SOX21: variants seen among roughly 807,000 people sequenced by gnomAD.
SOX21 encodes SRY-box transcription factor 21, also known as transcription factor SOX-21.
For synonymous variants in SOX21, 237 were observed against 189.7 expected (o/e 1.25, Z -2.05); for missense variants, 370 against 388.8 (o/e 0.95, Z 0.41).
At position 94,711,208 on chromosome 13, in the gene SOX21, G is replaced by A. The variant is rs779917519; in HGVS notation, c.*11C>T. The A allele has an allele frequency of 3.5e-4, 457 of 1,322,444 alleles. No homozygotes were observed. Among genetic ancestry groups the A allele is most frequent in the Non-Finnish European group, 4.0e-4 (417 of 1,041,952 alleles). 81.9% of individuals were successfully genotyped at this position (1,322,444 alleles called of 1,614,324 possible). A position where few individuals can be genotyped will look rare whatever the true frequency, so the allele number is the denominator to read the frequency against. On this transcript the variant is annotated 3_prime_UTR_variant, in exon 1 of 1. Coordinates refer to ENST00000376945, the MANE Select transcript of SOX21 (RefSeq NM_007084.4). ...TGTGCACACCGGTCCTCGCGAGGCG[G>A]CCCCGCGGGGTCATAGCGCGGCAGC...
rs1445183084 is a variant in SOX21 at position 94,709,844 on chromosome 13, CTTCA to C, written c.*1371_*1374del. The C allele has an allele frequency of 6.6e-6, 1 of 152,432 alleles. No homozygotes were observed. Among genetic ancestry groups the C allele is most frequent in the African/African-American group, 2.4e-5 (1 of 41,446 alleles). The allele number at this position is 152,432 out of a possible 1,614,324, so 9.4% of individuals were successfully genotyped here. A position where few individuals can be genotyped will look rare whatever the true frequency, so the allele number is the denominator to read the frequency against. On this transcript the variant is annotated 3_prime_UTR_variant, in exon 1 of 1. Transcript: ENST00000376945. ...ATGAAACTAAATACATGTTAGCCAA[CTTCA>C]TTCACAAACATTAGTCAAAATATAT...
Position 94,711,410 on chromosome 13 carries a change from C to G in SOX21, c.640G>C (p.Ala214Pro), listed in dbSNP as rs1165654505. 1.3e-6 allele frequency: 1 copy of G among 755,648 alleles called. No individual in the cohort carries two copies. The highest frequency in any genetic ancestry group is 6.1e-5 in the Admixed American group (1 of 16,284). The allele number at this position is 755,648 out of a possible 1,614,324, so 46.8% of individuals were successfully genotyped here. ...TGCCCCCCGGCGGCGGCGGCCGCCGCTGCAGCCGCCGCCGCCGCGCCGTGG... is the reference window on the plus strand; with the variant it reads ...TGCCCCCCGGCGGCGGCGGCCGCCGGTGCAGCCGCCGCCGCCGCGCCGTGG... ...AFHGAAAAAAAAAAAAGGHTH... is the reference protein window; with the variant it reads ...AFHGAAAAAAPAAAAAGGHTH... Residue 214 changes from alanine (A) to proline (P), a missense_variant, in exon 1 of 1, where the codon GCG becomes CCG. Physicochemically the swap from Ala to Pro is conservative, Grantham distance 27. Coordinates refer to ENST00000376945, the MANE Select transcript of SOX21 (RefSeq NM_007084.4).
rs140988549 is a variant in SOX21, at chr13:94,711,777, C to G, written c.273G>C (p.Lys91Asn). 142 of 1,613,536 alleles carry G rather than the reference C, an allele frequency of 8.8e-5. 1 individual carries two copies. The African/African-American group carries it at 1.8e-3, about 20-fold the overall frequency. ...GGCCGTAGGGCACCGGGAAGGCGAACTTGTCCTTCTTGAGCAGCGTCTTGG... is the reference window on the plus strand; with the variant it reads ...GGCCGTAGGGCACCGGGAAGGCGAAGTTGTCCTTCTTGAGCAGCGTCTTGG... ...RKPKTLLKKD[K>N]FAFPVPYGLG... Residue 91 changes from lysine (K) to asparagine (N), a missense_variant, in exon 1 of 1, where the codon AAG becomes AAC. Coordinates refer to ENST00000376945, the MANE Select transcript of SOX21 (RefSeq NM_007084.4).
In SOX21 at chr13:94,711,900, T is replaced by A; in HGVS notation, c.150A>T (p.Thr50=). 6.2e-7 allele frequency: 1 copy of A among 1,613,986 alleles called. No individual in the cohort carries two copies. Among genetic ancestry groups the A allele is most frequent in the Non-Finnish European group, 8.5e-7 (1 of 1,179,946 alleles). ...KRLGAEWKLL[T]ESEKRPFIDE... is the part of the protein sequence containing the mutation. Reference sequence around the variant, plus strand: ...CGATGAACGGCCGCTTCTCCGACTCTGTGAGCAGTTTCCACTCGGCGCCCA... The same window carrying A: ...CGATGAACGGCCGCTTCTCCGACTCAGTGAGCAGTTTCCACTCGGCGCCCA... The change falls in exon 1 of 1, where the codon ACA becomes ACT. Residue 50 remains threonine (T), a synonymous_variant. Transcript: ENST00000376945.
rs763377265 is a variant in SOX21 at position 94,711,276 on chromosome 13, C to A, written c.774G>T (p.Pro258=). 7.2e-7 allele frequency: 1 copy of A among 1,383,092 alleles called. No individual in the cohort carries two copies. 85.7% of individuals were successfully genotyped at this position (1,383,092 alleles called of 1,614,324 possible). ...LQPPLAYILL[P]GMGKPQLDPY... ...GGTCCAGCTGGGGCTTGCCCATGCC[C>A]GGCAGCAGGATGTAGGCGAGCGGCG... Residue 258 remains proline, a synonymous_variant, in exon 1 of 1, where the codon CCG becomes CCT. Coordinates refer to ENST00000376945, the MANE Select transcript of SOX21 (RefSeq NM_007084.4).
In SOX21 at chr13:94,711,167, T is replaced by C; in HGVS notation, c.*52A>G. The C allele has an allele frequency of 8.0e-7, 1 of 1,249,178 alleles. No homozygotes were observed. The highest frequency in any genetic ancestry group is 1.0e-6 in the Non-Finnish European group (1 of 997,212). 77.4% of individuals were successfully genotyped at this position (1,249,178 alleles called of 1,614,324 possible). A position where few individuals can be genotyped will look rare whatever the true frequency, so the allele number is the denominator to read the frequency against. On this transcript the variant is annotated 3_prime_UTR_variant, in exon 1 of 1. Coordinates refer to ENST00000376945, the MANE Select transcript of SOX21 (RefSeq NM_007084.4). ...ACGGGGAGGCCGCAGCGCTCGTACC[T>C]ATACATATGTACACGTGTGCACACC... is the stretch of plus-strand genomic sequence containing the variant.
rs941732392 is a variant in SOX21, at chr13:94,710,483, T to C, written c.*736A>G. 3 of 152,310 alleles carry C rather than the reference T, an allele frequency of 2.0e-5. No individual in the cohort carries two copies. Among genetic ancestry groups the C allele is most frequent in the Non-Finnish European group, 2.9e-5 (2 of 68,042 alleles). The allele number at this position is 152,310 out of a possible 1,614,324, so 9.4% of individuals were successfully genotyped here. ...ACAAATATTTCTTGTTTGCGTTTCT[T>C]GCCCTTGAGAAAGAGCTCTTGCTCT... On this transcript the variant is annotated 3_prime_UTR_variant, in exon 1 of 1. Coordinates refer to ENST00000376945, the MANE Select transcript of SOX21 (RefSeq NM_007084.4).
Position 94,711,899 on chromosome 13 carries a change from CTG to C in SOX21, c.149_150del (p.Thr50ArgfsTer78), listed in dbSNP as rs927792301. 6.2e-7 allele frequency: 1 copy of C among 1,613,910 alleles called. No homozygotes were observed. On this transcript the variant is annotated frameshift_variant, in exon 1 of 1. Coordinates refer to ENST00000376945, the MANE Select transcript of SOX21 (RefSeq NM_007084.4). LOFTEE classifies it low-confidence loss of function (END_TRUNC). ...TCGATGAACGGCCGCTTCTCCGACT[CTG>C]TGAGCAGTTTCCACTCGGCGCCCAA... ...KRLGAEWKLL[T>X]ESEKRPFIDE...
At position 94,711,621 on chromosome 13, in the gene SOX21, AGCGGCGGCGGCC is replaced by A; in HGVS notation, c.417_428del (p.Ala143_Ala146del). 8.1e-7 allele frequency: 1 copy of A among 1,228,430 alleles called. No individual in the cohort carries two copies. Among genetic ancestry groups the A allele is most frequent in the South Asian group, 3.7e-5 (1 of 27,232 alleles). 76.1% of individuals were successfully genotyped at this position (1,228,430 alleles called of 1,614,324 possible). A position where few individuals can be genotyped will look rare whatever the true frequency, so the allele number is the denominator to read the frequency against. On this transcript the variant is annotated inframe_deletion, in exon 1 of 1. Transcript: ENST00000376945. ...GCGGGAAGAAGACGCGTGCGGCGGC[AGCGGCGGCGGCC>A]GCGGCCGCCTTCTCGGGATTGGCGA... is the stretch of plus-strand genomic sequence containing the variant.
rs376963859 is a variant in SOX21, at chr13:94,712,058, C to T, written c.-9G>A. 35 of 1,610,510 alleles carry T rather than the reference C, an allele frequency of 2.2e-5. No individual in the cohort carries two copies. Among genetic ancestry groups the T allele is most frequent in the Non-Finnish European group, 3.0e-5 (35 of 1,178,266 alleles). ...TCCACCGGCTTGGACATGCTCTCGCCCTGCCGCGGCTGCAGCCCGCCGCCT... is the reference window on the plus strand; with the variant it reads ...TCCACCGGCTTGGACATGCTCTCGCTCTGCCGCGGCTGCAGCCCGCCGCCT... On this transcript the variant is annotated 5_prime_UTR_variant, in exon 1 of 1. Transcript: ENST00000376945. The surrounding 1 kb of genome is among the most constrained non-coding windows in gnomAD (Gnocchi z 5.0).
chr13:94,710,759 T>G lies in SOX21; in HGVS notation c.*460A>C, dbSNP rs1594514735. On this transcript the variant is annotated 3_prime_UTR_variant, in exon 1 of 1. Transcript: ENST00000376945. ...AGACCTCACATTTGAACAGCGTGCA[T>G]GCAACACGGACCGGGAGGGGGTTGG... The G allele has an allele frequency of 8.3e-6, 1 of 119,942 alleles. No individual in the cohort carries two copies. Among genetic ancestry groups the G allele is most frequent in the Admixed American group, 1.2e-4 (1 of 8,012 alleles). The allele number at this position is 119,942 out of a possible 1,614,324, so 7.4% of individuals were successfully genotyped here. A position where few individuals can be genotyped will look rare whatever the true frequency, so the allele number is the denominator to read the frequency against.
In SOX21 at chr13:94,711,615, G is replaced by A. The variant is rs867764508; in HGVS notation, c.435C>T (p.Ala145=). The A allele has an allele frequency of 2.4e-6, 3 of 1,225,584 alleles. No individual in the cohort carries two copies. The highest frequency in any genetic ancestry group is 4.5e-5 in the Admixed American group (1 of 22,228). 75.9% of individuals were successfully genotyped at this position (1,225,584 alleles called of 1,614,324 possible). ...EKAAAAAAAA[A]ARVFFPQSAA... Reference sequence around the variant, plus strand: ...CCGACTGCGGGAAGAAGACGCGTGCGGCGGCAGCGGCGGCGGCCGCGGCCG... The same window carrying A: ...CCGACTGCGGGAAGAAGACGCGTGCAGCGGCAGCGGCGGCGGCCGCGGCCG... The change falls in exon 1 of 1, where the codon GCC becomes GCT. Residue 145 remains alanine, a synonymous_variant. Transcript: ENST00000376945.
At position 94,711,408 on chromosome 13, in the gene SOX21, C is replaced by G. The variant is rs1247421590; in HGVS notation, c.642G>C (p.Ala214=). The change falls in exon 1 of 1, where the codon GCG becomes GCC. Residue 214 remains alanine, a synonymous_variant. Coordinates refer to ENST00000376945, the MANE Select transcript of SOX21 (RefSeq NM_007084.4). The part of the protein sequence containing the change: ...AFHGAAAAAA[A]AAAAAGGHTH... The stretch of plus-strand genomic sequence containing the variant: ...TGTGCCCCCCGGCGGCGGCGGCCGC[C>G]GCTGCAGCCGCCGCCGCCGCGCCGT... 388 of 974,644 alleles carry G rather than the reference C, an allele frequency of 4.0e-4. No homozygotes were observed. The highest frequency in any genetic ancestry group is 1.4e-3 in the Middle Eastern group (3 of 2,090). The allele number at this position is 974,644 out of a possible 1,614,324, so 60.4% of individuals were successfully genotyped here.
chr13:94,711,212 C>T lies in SOX21; in HGVS notation c.*7G>A. The T allele has an allele frequency of 3.8e-6, 5 of 1,325,650 alleles. No homozygotes were observed. The highest frequency in any genetic ancestry group is 4.8e-6 in the Non-Finnish European group (5 of 1,043,620). 82.1% of individuals were successfully genotyped at this position (1,325,650 alleles called of 1,614,324 possible). The stretch of plus-strand genomic sequence containing the variant: ...CACACCGGTCCTCGCGAGGCGGCCC[C>T]GCGGGGTCATAGCGCGGCAGCGTAG... On this transcript the variant is annotated 3_prime_UTR_variant, in exon 1 of 1. Coordinates refer to ENST00000376945, the MANE Select transcript of SOX21 (RefSeq NM_007084.4).
chr13:94,711,152 C>T lies in SOX21; in HGVS notation c.*67G>A. ...GTCGCGGGAGGGCGCACGGGGAGGC[C>T]GCAGCGCTCGTACCTATACATATGT... On this transcript the variant is annotated 3_prime_UTR_variant, in exon 1 of 1. Transcript: ENST00000376945. 1.6e-6 allele frequency: 2 copies of T among 1,230,090 alleles called. No individual in the cohort carries two copies. The highest frequency in any genetic ancestry group is 1.6e-5 in the African/African-American group (1 of 64,218). The allele number at this position is 1,230,090 out of a possible 1,614,324, so 76.2% of individuals were successfully genotyped here. A position where few individuals can be genotyped will look rare whatever the true frequency, so the allele number is the denominator to read the frequency against.
rs1207757520 is a variant in SOX21, at chr13:94,711,771, G to A, written c.279C>T (p.Ala93=). 3.1e-6 allele frequency: 5 copies of A among 1,613,278 alleles called. No homozygotes were observed. In the East Asian group the frequency reaches 8.9e-5, roughly 29 times the overall value. Residue 93 remains alanine, a synonymous_variant, in exon 1 of 1, where the codon GCC becomes GCT. Transcript: ENST00000376945. The part of the protein sequence containing the change: ...PKTLLKKDKF[A]FPVPYGLGGV... ...CGCCCAGGCCGTAGGGCACCGGGAA[G>A]GCGAACTTGTCCTTCTTGAGCAGCG...
Position 94,711,028 on chromosome 13 carries a change from C to T in SOX21, c.*191G>A. On this transcript the variant is annotated 3_prime_UTR_variant, in exon 1 of 1. Coordinates refer to ENST00000376945, the MANE Select transcript of SOX21 (RefSeq NM_007084.4). ...GATCCTGCGAATTCACAGGCCTGCT[C>T]GCCCGCGCCCTTGCGCGCTTGGCCA... 2.1e-6 allele frequency: 1 copy of T among 466,448 alleles called. No individual in the cohort carries two copies. The highest frequency in any genetic ancestry group is 3.6e-5 in the East Asian group (1 of 27,916). The allele number at this position is 466,448 out of a possible 1,614,324, so 28.9% of individuals were successfully genotyped here. A position where few individuals can be genotyped will look rare whatever the true frequency, so the allele number is the denominator to read the frequency against.
In SOX21 at chr13:94,711,213, G is replaced by A. The variant is rs768390545; in HGVS notation, c.*6C>T. 1.5e-6 allele frequency: 2 copies of A among 1,327,012 alleles called. No homozygotes were observed. Among genetic ancestry groups the A allele is most frequent in the Non-Finnish European group, 1.9e-6 (2 of 1,044,442 alleles). 82.2% of individuals were successfully genotyped at this position (1,327,012 alleles called of 1,614,324 possible). On this transcript the variant is annotated 3_prime_UTR_variant, in exon 1 of 1. Coordinates refer to ENST00000376945, the MANE Select transcript of SOX21 (RefSeq NM_007084.4). Reference sequence around the variant, plus strand: ...ACACCGGTCCTCGCGAGGCGGCCCCGCGGGGTCATAGCGCGGCAGCGTAGG... The same window carrying A: ...ACACCGGTCCTCGCGAGGCGGCCCCACGGGGTCATAGCGCGGCAGCGTAGG...
At position 94,710,357 on chromosome 13, in the gene SOX21, A is replaced by G. The variant is rs1240881359; in HGVS notation, c.*862T>C. The stretch of plus-strand genomic sequence containing the variant: ...GAGCAGTGCCTTTTTCCTTTTTTGT[A>G]AACTGTGTCAGAAATCCAAGCGAGT... On this transcript the variant is annotated 3_prime_UTR_variant, in exon 1 of 1. Coordinates refer to ENST00000376945, the MANE Select transcript of SOX21 (RefSeq NM_007084.4). 3 of 152,610 alleles carry G rather than the reference A, an allele frequency of 2.0e-5. No individual in the cohort carries two copies. Among genetic ancestry groups the G allele is most frequent in the Admixed American group, 6.5e-5 (1 of 15,280 alleles). The allele number at this position is 152,610 out of a possible 1,614,324, so 9.5% of individuals were successfully genotyped here.
Sources: gnomAD v4.1 joint callset for allele counts on GRCh38, gnomAD v4.1.1 for gene constraint, Gnocchi (gnomAD v3.1) non-coding constraint, MANE v1.5 for transcripts, NCBI Gene and HGNC (gene_info 2026-07-23, HGNC 2026-07-21) for gene names.